The following GRID2 variants were observed in gnomAD, a reference collection of about 807,000 sequenced individuals.
The protein encoded by GRID2 is glutamate ionotropic receptor delta type subunit 2.
A neutral mutation model predicts 114.8 loss-of-function variants in GRID2; 33 were observed. The observed-to-expected ratio is 0.29, with a 90% confidence interval of 0.22 to 0.38. The LOEUF is 0.38. Among genes scored for constraint, GRID2 ranks in the 10% least tolerant of loss-of-function variants. GRID2 has a pLI of 1.00. For missense variants in GRID2, 1,184 were observed against 1,257.7 expected (o/e 0.94, Z 0.89); for synonymous variants, 505 against 449.9 (o/e 1.12, Z -1.55).
At chr4:93,026,085 G>A (rs1340575262) in intron 2 of GRID2, among the ~76,000 whole-genome samples, 1 of 151,782 alleles carries the variant, frequency 6.6e-6, no homozygotes, top group Admixed American at 6.6e-5. Flanking sequence ...GAGAAGTAGT[G>A]TAATATCAAG....
rs1274259426 is a variant in GRID2, at chr4:92,304,503, C to T, written c.-154C>T. 6.2e-6 allele frequency: 4 copies of T among 640,300 alleles called. No individual in the cohort carries two copies. Among genetic ancestry groups the T allele is most frequent in the Non-Finnish European group, 1.1e-5 (4 of 361,082 alleles). The allele number at this position is 640,300 out of a possible 1,614,324, so 39.7% of individuals were successfully genotyped here. A position where few individuals can be genotyped will look rare whatever the true frequency, so the allele number is the denominator to read the frequency against. On this transcript the variant is annotated 5_prime_UTR_variant, in exon 1 of 16. Transcript: ENST00000282020. ...TTCTGTCATTCCCTTCTGCCTTTCTCGGCGACGATAAAAGGCTTTGCTCTG... is the reference window on the plus strand; with the variant it reads ...TTCTGTCATTCCCTTCTGCCTTTCTTGGCGACGATAAAAGGCTTTGCTCTG...
At chr4:92,675,551 A>ATTTTTTTTTTTT (rs576488084) in intron 2 of GRID2, among the ~76,000 whole-genome samples, 160 of 132,984 alleles carry the variant, frequency 1.2e-3, no homozygotes, top group East Asian at 4.2e-3. Flanking sequence ...TTGGGCTACA[A>ATTTTTTTTTTTT]TTTTTTTTTT....
intron 1 of GRID2, among the ~76,000 whole-genome samples, chr4:92,452,794 A>G (rs1327079109): frequency 1.3e-5 from 2 of 149,134 alleles, no homozygotes; most frequent in Admixed American, 6.7e-5. Flanking sequence ...GCAAATATAT[A>G]TGATACATGT....
At chr4:92,737,978 A>G (rs1313349671) in intron 2 of GRID2, among the ~76,000 whole-genome samples, 4 of 151,938 alleles carry the variant, frequency 2.6e-5, no homozygotes, top group African/African-American at 9.7e-5. Context: ...TGTTTCTCTC[A>G]TTGTTTCATT....
chr4:93,567,614 G>A lies in GRID2; in HGVS notation c.2193+52203G>A, dbSNP rs76612798. 5.5e-3 allele frequency among the ~76,000 whole-genome samples: 843 copies of A among 152,286 alleles called. 10 individuals carry two copies. Among genetic ancestry groups the A allele is most frequent in the African/African-American group, 0.019 (788 of 41,558 alleles). On this transcript the variant is annotated intron_variant, in intron 13 of 15. Transcript: ENST00000282020. ...ATAAGACAGATAATGTAAGATATAT[G>A]TGTGTTGTGTTGGGAAATAAAAGGC...
At chr4:93,582,028 G>A (rs564806956) in intron 13 of GRID2, among the ~76,000 whole-genome samples, 36 of 152,224 alleles carry the variant, frequency 2.4e-4, no homozygotes, top group Admixed American at 6.5e-4. Context: ...TGTTGCTCCT[G>A]TAACAAATTA....
intron 2 of GRID2, among the ~76,000 whole-genome samples, chr4:92,762,358 G>A (rs1002805613): frequency 6.6e-6 from 1 of 151,744 alleles, no homozygotes; most frequent in South Asian, 2.1e-4. Flanking sequence ...AGTAGACTAA[G>A]CTTTAGTGTA....
At chr4:93,680,328 C>G (rs1167558726) in intron 14 of GRID2, among the ~76,000 whole-genome samples, 6 of 151,940 alleles carry the variant, frequency 3.9e-5, no homozygotes, top group Admixed American at 3.9e-4. Flanking sequence ...GATGGATTCA[C>G]AGCCGAATTC....
intron 2 of GRID2, among the ~76,000 whole-genome samples, chr4:92,763,746 G>C (rs1738132597): frequency 6.6e-6 from 1 of 152,090 alleles, no homozygotes; most frequent in Non-Finnish European, 1.5e-5. Context: ...GGTTATTTGA[G>C]GTTAATAGTA....
At chr4:93,567,829 T>C (rs1414397297) in intron 13 of GRID2, among the ~76,000 whole-genome samples, 1 of 152,188 alleles carries the variant, frequency 6.6e-6, no homozygotes, top group African/African-American at 2.4e-5. Context: ...CAGCCTAAAC[T>C]AATTCCATGA....
intron 2 of GRID2, among the ~76,000 whole-genome samples, chr4:92,675,776 G>T (rs532420550): frequency 6.6e-6 from 1 of 151,948 alleles, no homozygotes; most frequent in Admixed American, 6.5e-5. Context: ...GGATGGTTTC[G>T]ATCTCCTGAA....
intron 2 of GRID2, among the ~76,000 whole-genome samples, chr4:92,716,840 T>C (rs983711385): frequency 1.3e-5 from 2 of 152,224 alleles, no homozygotes; most frequent in African/African-American, 4.8e-5. Context: ...AGATTTTTCA[T>C]TGAGGAAAAA....
At chr4:93,070,043 C>T (rs540927594) in intron 2 of GRID2, among the ~76,000 whole-genome samples, 1 of 152,136 alleles carries the variant, frequency 6.6e-6, no homozygotes, top group Non-Finnish European at 1.5e-5. Flanking sequence ...TATGTCTTCA[C>T]TTAGAAGAAA....
At chr4:93,266,101 C>G (rs1750797295) in intron 8 of GRID2, among the ~76,000 whole-genome samples, 1 of 151,970 alleles carries the variant, frequency 6.6e-6, no homozygotes, top group African/African-American at 2.4e-5. Flanking sequence ...TCAGACATGT[C>G]AATTCATGTA....
At chr4:93,722,453 C>A (rs1320159801) in intron 14 of GRID2, among the ~76,000 whole-genome samples, 1 of 152,168 alleles carries the variant, frequency 6.6e-6, no homozygotes, top group Non-Finnish European at 1.5e-5. Context: ...ATGGCCTTAT[C>A]ACTAATCAAC....
intron 2 of GRID2, among the ~76,000 whole-genome samples, chr4:92,963,052 TA>T (rs1189254526): frequency 6.6e-6 from 1 of 151,944 alleles, no homozygotes; most frequent in African/African-American, 2.4e-5. Flanking sequence ...GCACTATGTC[TA>T]AAAAAACAAC....
chr4:93,343,174 G>A (rs1759841568), intron 8 of GRID2, among the ~76,000 whole-genome samples: 3 of 151,258 alleles, frequency 2.0e-5, no homozygotes, highest in Admixed American at 1.3e-4. Flanking sequence ...GTGTGTGTGT[G>A]TGTGTGTATT....
At chr4:93,115,888 T>G (rs547182217) in intron 4 of GRID2, among the ~76,000 whole-genome samples, 1 of 152,146 alleles carries the variant, frequency 6.6e-6, no homozygotes, top group Admixed American at 6.6e-5. Flanking sequence ...CTACAGGAGC[T>G]ACAGTTTAAG....
At chr4:92,641,942 G>C (rs1472782721) in intron 2 of GRID2, among the ~76,000 whole-genome samples, 1 of 150,214 alleles carries the variant, frequency 6.7e-6, no homozygotes, top group Non-Finnish European at 1.5e-5. Flanking sequence ...GCTCCATCTA[G>C]TTTGCCACAA....
Sources: gnomAD v4.1 joint callset for allele counts (sites outside exome capture counted in the v4.1 genomes callset) on GRCh38, gnomAD v4.1.1 for gene constraint, MANE v1.5 for transcripts, NCBI Gene and HGNC (gene_info 2026-07-23, HGNC 2026-07-21) for gene names.